Variants in SH3KBP1 observed in about 807,000 individuals in gnomAD.
SH3KBP1 encodes SH3 domain-containing kinase-binding protein 1.
A neutral mutation model predicts 50.1 loss-of-function variants in SH3KBP1; 8 were observed. That is an observed-to-expected ratio of 0.16 (90% CI 0.09 to 0.29). The LOEUF (loss-of-function observed/expected upper bound fraction) is 0.29. Among genes scored for constraint, SH3KBP1 ranks in the 10% least tolerant of loss-of-function variants. The pLI, the probability that SH3KBP1 is intolerant of heterozygous loss-of-function variation, is 1.00. For synonymous variants in SH3KBP1, 227 were observed against 218.6 expected (o/e 1.04, Z -0.34); for missense variants, 377 against 535.2 (o/e 0.70, Z 2.92).
rs755125213 is a variant in SH3KBP1, at chrX:19,632,569, G to A, written c.803-611C>T. 2.7e-5 allele frequency among the ~76,000 whole-genome samples: 3 copies of A among 112,424 alleles called. No individual in the cohort carries two copies. In the South Asian group the frequency reaches 1.1e-3, roughly 41 times the overall value. On this transcript the variant is annotated intron_variant, in intron 7 of 17. Transcript: ENST00000397821. ...TGTGGGGGTAAGCTTGTTCAAATAT[G>A]TCCCATGGCCTTTCTGTGGGAACCT...
intron 8 of SH3KBP1, among the ~76,000 whole-genome samples, chrX:19,619,656 C>G (rs2067743744): frequency 9.0e-6 from 1 of 111,067 alleles, no homozygotes; most frequent in Non-Finnish European, 1.9e-5. Flanking sequence ...GTGGCGCATG[C>G]CTATAATCCC....
intron 2 of SH3KBP1, among the ~76,000 whole-genome samples, chrX:19,776,376 C>G (rs968683962): frequency 2.7e-5 from 3 of 109,294 alleles, no homozygotes; most frequent in Non-Finnish European, 1.9e-5. Flanking sequence ...CTGGAGAAAA[C>G]CCTCAAAAAG....
At chrX:19,761,356 G>A (rs1431013431) in intron 2 of SH3KBP1, among the ~76,000 whole-genome samples, 6 of 85,100 alleles carry the variant, frequency 7.1e-5, no homozygotes, top group Non-Finnish European at 1.4e-4. Context: ...GAGAGAGAAG[G>A]GAGAGAGTGG....
At chrX:19,751,316 G>A (rs1270842627) in intron 2 of SH3KBP1, among the ~76,000 whole-genome samples, 1 of 111,024 alleles carries the variant, frequency 9.0e-6, no homozygotes, top group Non-Finnish European at 1.9e-5. Flanking sequence ...CCTGGGACTG[G>A]GGGTTCCTAG....
At chrX:19,662,353 G>T (rs1191269809) in intron 6 of SH3KBP1, among the ~76,000 whole-genome samples, 1 of 111,680 alleles carries the variant, frequency 9.0e-6, no homozygotes, top group Non-Finnish European at 1.9e-5. Flanking sequence ...TAAACCCATG[G>T]ATTCCTTATT....
intron 12 of SH3KBP1, among the ~76,000 whole-genome samples, chrX:19,585,355 C>T (rs2066530786): frequency 8.9e-6 from 1 of 111,948 alleles, no homozygotes; most frequent in African/African-American, 3.3e-5. Flanking sequence ...AAATGAGCCA[C>T]TACCATATGC....
chrX:19,681,416 T>C (rs1026092146), intron 6 of SH3KBP1, among the ~76,000 whole-genome samples: 5 of 112,976 alleles, frequency 4.4e-5, no homozygotes, highest in Non-Finnish European at 9.4e-5. Context: ...ATTTATATTT[T>C]AATATTATTC....
At chrX:19,579,222 CAG>C (rs1266013131) in intron 12 of SH3KBP1, among the ~76,000 whole-genome samples, 2 of 112,118 alleles carry the variant, frequency 1.8e-5, no homozygotes, top group African/African-American at 6.5e-5. Flanking sequence ...GTTCATTGTG[CAG>C]ACTCTGCAAA....
At chrX:19,686,151 C>T (rs2063158752) in intron 5 of SH3KBP1, among the ~76,000 whole-genome samples, 1 of 111,964 alleles carries the variant, frequency 8.9e-6, no homozygotes, top group African/African-American at 3.3e-5. Flanking sequence ...AAACACACAG[C>T]AGATTTTTCT....
At chrX:19,692,058 A>G (rs1204909583) in intron 5 of SH3KBP1, among the ~76,000 whole-genome samples, 1 of 111,863 alleles carries the variant, frequency 8.9e-6, no homozygotes, top group African/African-American at 3.2e-5. Flanking sequence ...CTTTTTTGAA[A>G]AACTACCTTT....
chrX:19,629,362 T>G (rs748239468), intron 8 of SH3KBP1, among the ~76,000 whole-genome samples: 2 of 110,442 alleles, frequency 1.8e-5, no homozygotes, highest in Non-Finnish European at 3.8e-5. Context: ...AGATTTTGAT[T>G]GGTGCAGAAG....
chrX:19,607,282 C>G (rs781418313), intron 9 of SH3KBP1, among the ~76,000 whole-genome samples: 32 of 112,364 alleles, frequency 2.8e-4, no homozygotes, highest in Non-Finnish European at 5.1e-4. Flanking sequence ...ATTGCTCCTC[C>G]CTTATACTGG....
intron 7 of SH3KBP1, among the ~76,000 whole-genome samples, chrX:19,641,190 TAAG>T (rs1373535971): frequency 8.9e-6 from 1 of 111,977 alleles, no homozygotes; most frequent in Non-Finnish European, 1.9e-5. Flanking sequence ...CAGTGGCTGG[TAAG>T]AAGAGAGGGT....
chrX:19,849,250 G>A (rs913511158), intron 1 of SH3KBP1, among the ~76,000 whole-genome samples: 4 of 111,717 alleles, frequency 3.6e-5, no homozygotes, highest in African/African-American at 1.3e-4. Context: ...CCAGTTTACA[G>A]GGGATACAGA....
intron 2 of SH3KBP1, among the ~76,000 whole-genome samples, chrX:19,825,397 T>C (rs899173481): frequency 4.5e-5 from 5 of 111,668 alleles, no homozygotes; most frequent in Non-Finnish European, 9.4e-5. Context: ...CACAGTCCTG[T>C]CAGGACAATT....
intron 3 of SH3KBP1, among the ~76,000 whole-genome samples, chrX:19,713,751 G>A (rs981439563): frequency 1.4e-4 from 15 of 111,023 alleles, no homozygotes; most frequent in Admixed American, 3.8e-4. Context: ...TGAAATATAC[G>A]ACACATTGTT....
intron 2 of SH3KBP1, among the ~76,000 whole-genome samples, chrX:19,832,237 C>T (rs765979233): frequency 9.0e-6 from 1 of 111,711 alleles, no homozygotes; most frequent in African/African-American, 3.3e-5. Context: ...AGCAGGTGAG[C>T]GCAGGGCAAT....
At chrX:19,871,137 T>C (rs1465405211) in intron 1 of SH3KBP1, among the ~76,000 whole-genome samples, 1 of 112,598 alleles carries the variant, frequency 8.9e-6, no homozygotes, top group Non-Finnish European at 1.9e-5. Context: ...TCTTTCCTTC[T>C]TTCTGGATAA....
intron 2 of SH3KBP1, among the ~76,000 whole-genome samples, chrX:19,747,320 A>G (rs191605816): frequency 1.9e-4 from 21 of 112,416 alleles, no homozygotes; most frequent in Admixed American, 6.6e-4. Flanking sequence ...CTCACAAAGT[A>G]TAAGTCTGTA....
Sources: allele counts gnomAD v4.1 joint callset (sites outside exome capture counted in the v4.1 genomes callset), GRCh38; gene constraint gnomAD v4.1.1; transcripts MANE v1.5; gene names NCBI Gene and HGNC (gene_info 2026-07-23, HGNC 2026-07-21).